Variants in PACC1 observed in about 807,000 individuals in gnomAD.
PACC1 encodes proton-activated chloride channel.
A neutral mutation model predicts 39.7 loss-of-function variants in PACC1; 34 were observed. That is an observed-to-expected ratio of 0.86 (90% CI 0.65 to 1.14). The LOEUF is 1.14. PACC1 is among the 50% of genes most tolerant of loss of function. The pLI, the probability that PACC1 is intolerant of heterozygous loss-of-function variation, is 0.00. For missense variants in PACC1, 379 were observed against 436.4 expected (o/e 0.87, Z 1.17); for synonymous variants, 127 against 160.6 (o/e 0.79, Z 1.58).
At chr1:212,374,910 A>T (rs924094322) in intron 7 of PACC1, among the ~76,000 whole-genome samples, 28 of 152,222 alleles carry the variant, frequency 1.8e-4, no homozygotes, top group African/African-American at 6.8e-4. Flanking sequence ...ATCCCAGATA[A>T]ATTATGGTGA....
chr1:212,407,803 G>T (rs530862620), intron 2 of PACC1, among the ~76,000 whole-genome samples: 1 of 152,110 alleles, frequency 6.6e-6, no homozygotes, highest in African/African-American at 2.4e-5. Context: ...GGCCAGGTGC[G>T]GTGGCCCACG....
intron 4 of PACC1, among the ~76,000 whole-genome samples, chr1:212,383,889 A>G (rs1660997301): frequency 6.6e-6 from 1 of 152,094 alleles, no homozygotes; most frequent in Non-Finnish European, 1.5e-5. Context: ...TTCTGTAGAG[A>G]ATGGTTCCAG....
chr1:212,385,353 G>A lies in PACC1; in HGVS notation c.416C>T (p.Thr139Ile), dbSNP rs751523301. ...KHHYEVIPPL[T>I]SPGQPGDMNC... ...CATGTCACCCGGCTGGCCAGGGCTT[G>A]TCAGAGGAGGAATGACCTCGTAATG... is the stretch of plus-strand genomic sequence containing the variant. Residue 139 changes from threonine to isoleucine, a missense_variant, in exon 4 of 8, where the codon ACA becomes ATA. Transcript: ENST00000261455. The A allele has an allele frequency of 8.1e-6, 13 of 1,614,018 alleles. No homozygotes were observed. Among genetic ancestry groups the A allele is most frequent in the Non-Finnish European group, 8.5e-6 (10 of 1,180,026 alleles).
chr1:212,393,621 C>T (rs981044658), intron 2 of PACC1, among the ~76,000 whole-genome samples: 2 of 152,082 alleles, frequency 1.3e-5, no homozygotes, highest in East Asian at 1.9e-4. Context: ...ACACAAAAAA[C>T]GCTTCAAAAT....
intron 7 of PACC1, among the ~76,000 whole-genome samples, chr1:212,368,162 G>A (rs989928574): frequency 1.3e-5 from 2 of 152,302 alleles, no homozygotes; most frequent in Admixed American, 1.3e-4. Flanking sequence ...GTGTAACTTG[G>A]CTTAGACTGC....
chr1:212,410,005 A>G (rs1228930620), intron 2 of PACC1: 2 of 185,098 alleles, frequency 1.1e-5, no homozygotes, highest in East Asian at 1.2e-4. Context: ...GTAGGGCTCC[A>G]TAAGATGCCA....
chr1:212,376,659 G>T (rs570726594), intron 6 of PACC1: 1 of 152,326 alleles, frequency 6.6e-6, no homozygotes, highest in South Asian at 2.1e-4. Flanking sequence ...GTCACCAGGA[G>T]GGGTTGTCAC....
intron 2 of PACC1, among the ~76,000 whole-genome samples, chr1:212,400,171 T>C (rs1017660333): frequency 3.3e-5 from 5 of 151,062 alleles, no homozygotes; most frequent in African/African-American, 1.2e-4. Context: ...ACAAACTCTA[T>C]ACTACATCCA....
chr1:212,413,494 C>T (rs6697910), intron 1 of PACC1, among the ~76,000 whole-genome samples: 41,471 of 152,122 alleles, frequency 0.27, 7,882 homozygotes, highest in African/African-American at 0.54. Context: ...CCCTATGGAA[C>T]ACATGGAACT....
intron 4 of PACC1, among the ~76,000 whole-genome samples, chr1:212,381,427 T>G (rs970620969): frequency 6.6e-6 from 1 of 152,196 alleles, no homozygotes; most frequent in Non-Finnish European, 1.5e-5. Flanking sequence ...CATTTTGTTT[T>G]AAGTGTGCAA....
rs1662080487 is a variant in PACC1, at chr1:212,410,432, G to A, written c.126C>T (p.Ile42=). The A allele has an allele frequency of 6.2e-7, 1 of 1,614,022 alleles. No homozygotes were observed. The highest frequency in any genetic ancestry group is 1.3e-5 in the African/African-American group (1 of 74,936). The part of the protein sequence containing the change: ...KETVRVQGPG[I]LPGLDSESAS... ...AGCACCAAACGCACTCACCTGGTAAGATACCCGGACCTTGGACTCTGACCG... is the reference window on the plus strand; with the variant it reads ...AGCACCAAACGCACTCACCTGGTAAAATACCCGGACCTTGGACTCTGACCG... The change falls in exon 2 of 8, where the codon ATC becomes ATT. Residue 42 remains isoleucine, a synonymous_variant. Transcript: ENST00000261455.
intron 2 of PACC1, among the ~76,000 whole-genome samples, chr1:212,395,651 A>G (rs1661485694): frequency 6.6e-6 from 1 of 152,192 alleles, no homozygotes; most frequent in Admixed American, 6.5e-5. Context: ...TTAACAGGCA[A>G]CCTACAGAAT....
At chr1:212,374,353 C>CT (rs1243173023) in intron 7 of PACC1, among the ~76,000 whole-genome samples, 2 of 151,730 alleles carry the variant, frequency 1.3e-5, no homozygotes, top group Non-Finnish European at 2.9e-5. Context: ...CATGTGGGAG[C>CT]TTAAAAAAAA....
chr1:212,375,787 A>T (rs529706509), intron 6 of PACC1, among the ~76,000 whole-genome samples: 1 of 152,264 alleles, frequency 6.6e-6, no homozygotes, highest in South Asian at 2.1e-4. Flanking sequence ...CAGGAGGCTG[A>T]GGCAGGAGAA....
rs145028347 is a variant in PACC1 at position 212,366,167 on chromosome 1, G to A, written c.892-791C>T. Among the ~76,000 whole-genome samples the A allele has an allele frequency of 9.2e-4, 140 of 152,228 alleles. 2 individuals are homozygous for A. Among genetic ancestry groups the A allele is most frequent in the African/African-American group, 3.2e-3 (135 of 41,554 alleles). ...ATTTATCCTATGAATGCCCTTCACA[G>A]TTCCTTATGGTCTGGAATCAATAAT... On this transcript the variant is annotated intron_variant, in intron 7 of 7. Coordinates refer to ENST00000261455, the MANE Select transcript of PACC1 (RefSeq NM_018252.3).
chr1:212,385,421 A>G lies in PACC1; in HGVS notation c.348T>C (p.Ile116=), dbSNP rs1396473276. 6.2e-7 allele frequency: 1 copy of G among 1,614,018 alleles called. No homozygotes were observed. The highest frequency in any genetic ancestry group is 8.5e-7 in the Non-Finnish European group (1 of 1,179,966). Residue 116 remains isoleucine, a synonymous_variant, in exon 4 of 8, where the codon ATT becomes ATC. Coordinates refer to ENST00000261455, the MANE Select transcript of PACC1 (RefSeq NM_018252.3). ...ACTGGGCCTGACCGGGGTACAAGGC[A>G]ATACCTGGGGGCACAAACAGGAAAA... ...KEVDRYDAPG[I]ALYPGQAQLL... is the part of the protein sequence containing the mutation.
chr1:212,406,105 C>CAAAAAAA (rs58332482), intron 2 of PACC1, among the ~76,000 whole-genome samples: 3 of 55,654 alleles, frequency 5.4e-5, no homozygotes, highest in Non-Finnish European at 9.8e-5. Flanking sequence ...TCCCACCCCA[C>CAAAAAAA]AAAAAAAAAA....
chr1:212,401,394 G>A (rs1270682470), intron 2 of PACC1, among the ~76,000 whole-genome samples: 1 of 152,082 alleles, frequency 6.6e-6, no homozygotes, highest in Non-Finnish European at 1.5e-5. Flanking sequence ...GGGACTCTGA[G>A]GTGGGAGGAT....
chr1:212,399,955 C>T (rs1661657410), intron 2 of PACC1, among the ~76,000 whole-genome samples: 1 of 152,124 alleles, frequency 6.6e-6, no homozygotes, highest in Admixed American at 6.5e-5. Flanking sequence ...AGTGATTCTC[C>T]TGCCTCAGCC....
Sources: gnomAD v4.1 joint callset for allele counts (sites outside exome capture counted in the v4.1 genomes callset) on GRCh38, gnomAD v4.1.1 for gene constraint, MANE v1.5 for transcripts, NCBI Gene and HGNC (gene_info 2026-07-23, HGNC 2026-07-21) for gene names.